MYH6: variants seen among roughly 807,000 people sequenced by gnomAD.
The protein encoded by MYH6 is myosin heavy chain 6.
MYH6 carries 126 observed loss-of-function variants against 223.2 expected under a neutral mutation model. That is an observed-to-expected ratio of 0.56 (90% CI 0.49 to 0.65). The LOEUF (loss-of-function observed/expected upper bound fraction) is 0.65, where lower values mean the gene tolerates loss of function less well. MYH6 is among the 30% of genes least tolerant of loss of function. The probability of loss-of-function intolerance (pLI) is 0.00; values close to 1 mark genes in which losing one functional copy is unlikely to be tolerated. For synonymous variants in MYH6, 978 were observed against 1,010.2 expected (o/e 0.97, Z 0.61); for missense variants, 2,040 against 2,536.4 (o/e 0.80, Z 4.20).
chr14:23,390,053 C>G lies in MYH6; in HGVS notation c.3732+4G>C. 6.2e-7 allele frequency: 1 copy of G among 1,613,434 alleles called. No homozygotes were observed. Among genetic ancestry groups the G allele is most frequent in the Non-Finnish European group, 8.5e-7 (1 of 1,179,838 alleles). On this transcript the variant is annotated splice_donor_region_variant and intron_variant, in intron 26 of 38. Coordinates refer to ENST00000405093, the MANE Select transcript of MYH6 (RefSeq NM_002471.4). Reference sequence around the variant, plus strand: ...AGGGCGAGGGGAGGCCGAGCAGAGCCTGCCTTGGCCTTGATGATCTGCTCC... The same window carrying G: ...AGGGCGAGGGGAGGCCGAGCAGAGCGTGCCTTGGCCTTGATGATCTGCTCC...
At position 23,386,140 on chromosome 14, in the gene MYH6, C is replaced by T. The variant is rs557113705; in HGVS notation, c.4960-9G>A. The T allele has an allele frequency of 6.9e-4, 1,119 of 1,614,222 alleles. 13 individuals carry two copies. The South Asian group carries it at 0.012, about 17-fold the overall frequency. Reference sequence around the variant, plus strand: ...AGCTGGATCTGGGTGTCCTGAGCATCAGGAGAGTGGGTGTGAGCAGAAGCC... The same window carrying T: ...AGCTGGATCTGGGTGTCCTGAGCATTAGGAGAGTGGGTGTGAGCAGAAGCC... On this transcript the variant is annotated splice_polypyrimidine_tract_variant and intron_variant, in intron 33 of 38. Coordinates refer to ENST00000405093, the MANE Select transcript of MYH6 (RefSeq NM_002471.4).
chr14:23,384,358 G>T, intron 36 of MYH6, 84 bp downstream of exon 36: 1 of 1,588,534 alleles, frequency 6.3e-7, no homozygotes. Flanking sequence ...CAAGGAGGAG[G>T]TGAGAGGAGC....
Position 23,397,012 on chromosome 14 carries a change from A to G in MYH6, c.2119T>C (p.Cys707Arg), listed in dbSNP as rs773009780. ...ATGCGGTTGGGGAAGCCCTTCCTGC[A>G]GATGCGGATGCCCTCCAGCACGCCA... is the stretch of plus-strand genomic sequence containing the variant. ...CNGVLEGIRICRKGFPNRILY... is the reference protein window; with the variant it reads ...CNGVLEGIRIRRKGFPNRILY... The change falls in exon 18 of 39, where the codon TGC becomes CGC. Residue 707 changes from cysteine to arginine, a missense_variant. This residue lies in a region of MYH6 where 649 missense variants were observed against 877.3 expected (regional missense o/e 0.74). Transcript: ENST00000405093. The G allele has an allele frequency of 6.2e-7, 1 of 1,613,880 alleles. No individual in the cohort carries two copies. The highest frequency in any genetic ancestry group is 8.5e-7 in the Non-Finnish European group (1 of 1,180,032).
In MYH6 at chr14:23,405,569, G is replaced by C. The variant is rs1051558877; in HGVS notation, c.345+58C>G. The C allele has an allele frequency of 1.2e-6, 2 of 1,612,292 alleles. No individual in the cohort carries two copies. Among genetic ancestry groups the C allele is most frequent in the Non-Finnish European group, 1.7e-6 (2 of 1,179,094 alleles). On this transcript the variant is annotated intron_variant, in intron 4 of 38. Coordinates refer to ENST00000405093, the MANE Select transcript of MYH6 (RefSeq NM_002471.4). This position sits in a 1 kb window ranked among gnomAD's most constrained non-coding sequence, Gnocchi z 4.7. The stretch of plus-strand genomic sequence containing the variant: ...CCCTCTTCTTGGGAGAGCCCCCCTG[G>C]CTTATTTAGGCCTCCACGCAGCACA...
In MYH6 at chr14:23,384,632, A is replaced by G. The variant is rs756018853; in HGVS notation, c.5375T>C (p.Ile1792Thr). The G allele has an allele frequency of 2.5e-6, 4 of 1,613,942 alleles. No individual in the cohort carries two copies. The South Asian group carries it at 3.3e-5, about 13-fold the overall frequency. Residue 1792 changes from isoleucine (I) to threonine (T), a missense_variant, in exon 36 of 39, where the codon ATT (isoleucine) becomes ACT (threonine). By Grantham distance (89) the Ile-to-Thr change is moderately conservative. This residue lies in a region of MYH6 where 1,203 missense variants were observed against 1,400.2 expected (regional missense o/e 0.86). Coordinates refer to ENST00000405093, the MANE Select transcript of MYH6 (RefSeq NM_002471.4). Reference protein sequence around the residue: ...ERMKKNMEQTIKDLQHRLDEA... With the variant: ...ERMKKNMEQTTKDLQHRLDEA... ...GTCCAGCCGGTGCTGCAGGTCCTTA[A>G]TGGTCTGCTCCATGTTCTTCTTCAT...
At chr14:23,384,325 C>T (rs545481520) in intron 36 of MYH6, 117 bp downstream of exon 36, 65 of 1,508,054 alleles carry the variant, frequency 4.3e-5, no homozygotes, top group East Asian at 4.1e-4. Context: ...GTGAGAAGAA[C>T]GTTAAATCTA....
intron 12 of MYH6, among the ~76,000 whole-genome samples, chr14:23,401,905 A>G (rs1891614506): frequency 6.6e-6 from 1 of 152,226 alleles, no homozygotes; most frequent in Non-Finnish European, 1.5e-5. Flanking sequence ...TGACACTTTG[A>G]TCTGGGCAGA....
chr14:23,392,507 C>T, intron 25 of MYH6, 55 bp downstream of exon 25: 1 of 1,288,048 alleles, frequency 7.8e-7, no homozygotes, highest in Non-Finnish European at 1.1e-6. Flanking sequence ...GCTGCAGCCT[C>T]AGTTACCTCA....
At position 23,384,681 on chromosome 14, in the gene MYH6, C is replaced by G. The variant is rs1418772558; in HGVS notation, c.5326G>C (p.Asp1776His). Residue 1776 changes from aspartate to histidine, a missense_variant, in exon 36 of 39, where the codon GAC becomes CAC. Physicochemically the swap from Asp to His is moderately conservative, Grantham distance 81. Transcript: ENST00000405093. ...MMAEELKKEQ[D>H]TSAHLERMKK... ...ATGCGCTCCAGGTGGGCGCTGGTGT[C>G]CTGCTCCTTCTTCAGCTCCTCTGCC... 2 of 1,614,130 alleles carry G rather than the reference C, an allele frequency of 1.2e-6. No homozygotes were observed. Among genetic ancestry groups the G allele is most frequent in the Admixed American group, 3.3e-5 (2 of 60,006 alleles).
At chr14:23,404,664 C>T (rs976609329) in intron 7 of MYH6, 47 bp downstream of exon 7, 3 of 1,563,088 alleles carry the variant, frequency 1.9e-6, no homozygotes, top group Non-Finnish European at 1.8e-6. Flanking sequence ...CTCGGGTCAG[C>T]CTGCCCCCCA....
intron 16 of MYH6, 70 bp from the exon 17 acceptor site, chr14:23,397,327 C>G: frequency 6.9e-7 from 1 of 1,451,750 alleles, no homozygotes; most frequent in Non-Finnish European, 9.7e-7. Flanking sequence ...ACCCTGGTCC[C>G]CAGACACTCT....
At position 23,400,559 on chromosome 14, in the gene MYH6, C is replaced by T. The variant is rs767898957; in HGVS notation, c.1411-133G>A. On this transcript the variant is annotated intron_variant, in intron 13 of 38. Coordinates refer to ENST00000405093, the MANE Select transcript of MYH6 (RefSeq NM_002471.4). ...ATGTCAGGGCAGTGGAGGAGGGCTT[C>T]CCCTGAAGACAGGGACAATGACTGC... is the stretch of plus-strand genomic sequence containing the variant. 1.5e-5 allele frequency: 23 copies of T among 1,579,674 alleles called. No homozygotes were observed. The Admixed American group carries it at 4.0e-4, about 28-fold the overall frequency.
intron 37 of MYH6, among the ~76,000 whole-genome samples, chr14:23,382,943 C>T (rs186952011): frequency 1.5e-4 from 23 of 152,318 alleles, no homozygotes; most frequent in Non-Finnish European, 2.8e-4. Context: ...CCAATTCCAC[C>T]GCCACCTTCC....
intron 12 of MYH6, among the ~76,000 whole-genome samples, chr14:23,401,684 T>A (rs1891606988): frequency 6.6e-6 from 1 of 152,252 alleles, no homozygotes; most frequent in Admixed American, 6.5e-5. Context: ...TCTACCCCAG[T>A]GTCTAGCCCT....
intron 29 of MYH6, 200 bp downstream of exon 29, chr14:23,388,659 G>T (rs377013516): frequency 5.3e-6 from 5 of 945,754 alleles, no homozygotes; most frequent in Non-Finnish European, 8.8e-6. Flanking sequence ...CCAAAAGCTC[G>T]CCCGTCACAG....
intron 33 of MYH6, 61 bp from the exon 34 acceptor site, chr14:23,386,192 C>A (rs947626421): frequency 6.2e-7 from 1 of 1,612,982 alleles, no homozygotes. Context: ...ACTGAGGGCA[C>A]CTGTCAGAGG....
chr14:23,405,907 A>G lies in MYH6; in HGVS notation c.202-137T>C. 1 of 1,033,364 alleles carries G rather than the reference A, an allele frequency of 9.7e-7. No individual in the cohort carries two copies. Among genetic ancestry groups the G allele is most frequent in the Non-Finnish European group, 1.5e-6 (1 of 674,008 alleles). 64.0% of individuals were successfully genotyped at this position (1,033,364 alleles called of 1,614,324 possible). ...TGCTCTGACCAGTGCCCCGGCCCCT[A>G]CCCCGATGTCCCCTGGGACACTTTC... On this transcript the variant is annotated intron_variant, in intron 3 of 38. Coordinates refer to ENST00000405093, the MANE Select transcript of MYH6 (RefSeq NM_002471.4). This position sits in a 1 kb window ranked among gnomAD's most constrained non-coding sequence, Gnocchi z 4.7.
In MYH6 at chr14:23,405,126, A is replaced by G. The variant is rs1252055633; in HGVS notation, c.504T>C (p.Asp168=). 1 of 1,613,890 alleles carries G rather than the reference A, an allele frequency of 6.2e-7. No individual in the cohort carries two copies. The highest frequency in any genetic ancestry group is 1.7e-5 in the Admixed American group (1 of 60,010). ...TGATGAGGATGGACTGGTTCTCCCG[A>G]TCTGGAAGAAAAAAGAGGAGAAGCA... ...SDNAYQYMLT[D]RENQSILITG... is the part of the protein sequence containing the mutation. Residue 168 remains aspartate, a splice_region_variant and synonymous_variant, in exon 6 of 39, where the codon GAT becomes GAC. Transcript: ENST00000405093. This position sits in a 1 kb window ranked among gnomAD's most constrained non-coding sequence, Gnocchi z 4.7.
At chr14:23,388,659 G>A (rs377013516) in intron 29 of MYH6, 200 bp downstream of exon 29, 11 of 945,756 alleles carry the variant, frequency 1.2e-5, no homozygotes, top group Non-Finnish European at 1.8e-5. Flanking sequence ...CCAAAAGCTC[G>A]CCCGTCACAG....
Sources: allele counts gnomAD v4.1 joint callset (sites outside exome capture counted in the v4.1 genomes callset), GRCh38; gene constraint gnomAD v4.1.1; regional missense constraint gnomAD v4.1.1; non-coding constraint Gnocchi (gnomAD v3.1); transcripts MANE v1.5; gene names NCBI Gene and HGNC (gene_info 2026-07-23, HGNC 2026-07-21).